TBK1: variants seen among roughly 807,000 people sequenced by gnomAD.
TBK1 encodes serine/threonine-protein kinase TBK1.
In TBK1, 37 loss-of-function variants were observed where a neutral mutation model predicts 99.9. That is an observed-to-expected ratio of 0.37 (90% CI 0.28 to 0.49). The LOEUF (loss-of-function observed/expected upper bound fraction) is 0.49, where lower values mean the gene tolerates loss of function less well. TBK1 is among the 20% of genes least tolerant of loss of function. The pLI, the probability that TBK1 is intolerant of heterozygous loss-of-function variation, is 0.98. For synonymous variants in TBK1, 258 were observed against 279.8 expected, an observed-to-expected ratio of 0.92 and a Z score of 0.78; for missense variants, 644 against 872.5, an observed-to-expected ratio of 0.74 and a Z score of 3.30.
intron 11 of TBK1, among the ~76,000 whole-genome samples, chr12:64,486,681 G>A (rs1246563797): frequency 6.6e-6 from 1 of 151,576 alleles, no homozygotes; most frequent in Non-Finnish European, 1.5e-5. Context: ...CAATCAGCCC[G>A]CCTCAGCTGG....
intron 12 of TBK1, 84 bp from the exon 13 acceptor site, chr12:64,489,957 C>A (rs1218837566): frequency 4.8e-5 from 40 of 825,186 alleles, no homozygotes; most frequent in Non-Finnish European, 7.2e-5. Context: ...ATGATGAAAG[C>A]TGAAATTATT....
intron 20 of TBK1, among the ~76,000 whole-genome samples, chr12:64,498,458 T>C (rs2040952440): frequency 6.6e-6 from 1 of 152,216 alleles, no homozygotes; most frequent in Admixed American, 6.5e-5. Flanking sequence ...GGTGTCTGCT[T>C]ATTATCTGCA....
intron 1 of TBK1, among the ~76,000 whole-genome samples, chr12:64,454,632 A>G (rs186375840): frequency 2.1e-5 from 3 of 146,116 alleles, no homozygotes; most frequent in Admixed American, 1.4e-4. Context: ...TTCAAAGCTC[A>G]TACAGCATTT....
intron 13 of TBK1, 150 bp from the exon 14 acceptor site, chr12:64,495,333 C>A (rs554152978): frequency 3.0e-6 from 3 of 1,006,376 alleles, no homozygotes; most frequent in South Asian, 3.5e-5. Flanking sequence ...CTAAGAAACT[C>A]TTTTGTATTT....
intron 20 of TBK1, among the ~76,000 whole-genome samples, chr12:64,500,305 T>A (rs1313141300): frequency 6.6e-6 from 1 of 152,182 alleles, no homozygotes; most frequent in Non-Finnish European, 1.5e-5. Flanking sequence ...CTCCTTATCC[T>A]GTTCAAAGGT....
At chr12:64,493,345 C>T (rs922350745) in intron 13 of TBK1, among the ~76,000 whole-genome samples, 4 of 152,060 alleles carry the variant, frequency 2.6e-5, no homozygotes, top group Non-Finnish European at 5.9e-5. Context: ...GCTCCTGGGC[C>T]ACAGGTCGCA....
At chr12:64,478,585 C>T (rs1003983740) in intron 6 of TBK1, among the ~76,000 whole-genome samples, 1 of 152,150 alleles carries the variant, frequency 6.6e-6, no homozygotes, top group Non-Finnish European at 1.5e-5. Flanking sequence ...GGAAGTAAAA[C>T]AAATTCAGAT....
At position 64,492,251 on chromosome 12, in the gene TBK1, G is replaced by A. The variant is rs575936591; in HGVS notation, c.1521+2132G>A. Among the ~76,000 whole-genome samples, 655 of 152,264 alleles carry A rather than the reference G, an allele frequency of 4.3e-3. 2 individuals are homozygous for A. Among genetic ancestry groups the A allele is most frequent in the Non-Finnish European group, 6.9e-3 (471 of 68,010 alleles). ...CAAAATTAATATATTTTCTTTTGGG[G>A]ATCTCAAAATGTTTCTCATTTTTAT... On this transcript the variant is annotated intron_variant, in intron 13 of 20. Transcript: ENST00000331710.
chr12:64,452,230 G>T (rs778208805), intron 1 of TBK1, 43 bp downstream of exon 1: 7 of 152,210 alleles, frequency 4.6e-5, no homozygotes, highest in Non-Finnish European at 8.8e-5. Context: ...GGCGGCGCGG[G>T]GCGCGGTCGG....
At chr12:64,474,855 C>T (rs1045233274) in intron 6 of TBK1, among the ~76,000 whole-genome samples, 26 of 152,202 alleles carry the variant, frequency 1.7e-4, no homozygotes, top group African/African-American at 5.1e-4. Context: ...TGGTGGCTCA[C>T]GCCTGTAATC....
intron 18 of TBK1, 145 bp from the exon 19 acceptor site, chr12:64,497,503 A>G: frequency 1.6e-6 from 1 of 612,944 alleles, no homozygotes; most frequent in Admixed American, 3.6e-5. Context: ...GTATTGTATC[A>G]TCGATAGTTT....
intron 13 of TBK1, among the ~76,000 whole-genome samples, chr12:64,492,731 CTT>C (rs36044305): frequency 6.8e-6 from 1 of 147,380 alleles, no homozygotes; most frequent in Non-Finnish European, 1.5e-5. Flanking sequence ...TTCTCTTTTT[CTT>C]TTTTTTTTGA....
intron 4 of TBK1, 25 bp downstream of exon 4, chr12:64,464,488 T>C: frequency 6.7e-7 from 1 of 1,489,114 alleles, no homozygotes. Context: ...TTATATGATA[T>C]CATTTGTATA....
chr12:64,473,441 TAA>T, intron 5 of TBK1, among the ~76,000 whole-genome samples: 1 of 152,276 alleles, frequency 6.6e-6, no homozygotes, highest in South Asian at 2.1e-4. Flanking sequence ...TGGGAGATAT[TAA>T]AGCATGTTTG....
At chr12:64,488,968 G>C (rs552269931) in intron 12 of TBK1, among the ~76,000 whole-genome samples, 1 of 152,316 alleles carries the variant, frequency 6.6e-6, no homozygotes, top group East Asian at 1.9e-4. Context: ...CTCCAGCCTG[G>C]TGACAGAGTG....
chr12:64,481,937 G>A lies in TBK1; in HGVS notation c.908G>A (p.Ser303Asn). Residue 303 changes from serine to asparagine, a missense_variant, in exon 8 of 21, where the codon AGT becomes AAT. Ser to Asn is a conservative substitution (Grantham distance 46). Coordinates refer to ENST00000331710, the MANE Select transcript of TBK1 (RefSeq NM_013254.4). ...TTTGACCAGTTTTTTGCAGAAACTA[G>A]TGATATACTTCACCGAATGGTAATT... ...WGFDQFFAET[S>N]DILHRMVIHV... 6.2e-7 allele frequency: 1 copy of A among 1,611,484 alleles called. No homozygotes were observed. The highest frequency in any genetic ancestry group is 1.1e-5 in the South Asian group (1 of 90,780).
intron 8 of TBK1, among the ~76,000 whole-genome samples, chr12:64,483,320 G>A (rs1436866093): frequency 6.6e-6 from 1 of 152,080 alleles, no homozygotes; most frequent in Non-Finnish European, 1.5e-5. Flanking sequence ...ATTTTCAAAA[G>A]GTGACACAGT....
intron 3 of TBK1, among the ~76,000 whole-genome samples, chr12:64,463,870 G>GTTT (rs562876176): frequency 7.3e-6 from 1 of 137,884 alleles, no homozygotes; most frequent in Non-Finnish European, 1.6e-5. Flanking sequence ...TTTTTTTTTT[G>GTTT]TTTTTTTTTT....
intron 1 of TBK1, among the ~76,000 whole-genome samples, chr12:64,455,592 C>T (rs1017766449): frequency 2.0e-5 from 3 of 152,142 alleles, no homozygotes. Context: ...CATTCAGATC[C>T]GTCTCTCCAG....
Sources: allele counts gnomAD v4.1 joint callset (sites outside exome capture counted in the v4.1 genomes callset), GRCh38; gene constraint gnomAD v4.1.1; transcripts MANE v1.5; gene names NCBI Gene and HGNC (gene_info 2026-07-23, HGNC 2026-07-21).